BUB1B: variants seen among roughly 807,000 people sequenced by gnomAD.
BUB1B encodes the protein mitotic checkpoint serine/threonine-protein kinase BUB1 beta.
BUB1B carries 86 observed loss-of-function variants against 137.7 expected under a neutral mutation model. The observed-to-expected ratio is 0.62, with a 90% CI of 0.52 to 0.75. The LOEUF is 0.75. BUB1B is among the 30% of genes least tolerant of loss of function. BUB1B has a pLI of 0.00. For missense variants in BUB1B, 1,130 were observed against 1,236.9 expected (o/e 0.91, Z 1.30); for synonymous variants, 420 against 417.9 (o/e 1.00, Z -0.06).
chr15:40,174,043 A>C (rs2037196250), intron 4 of BUB1B: 3 of 387,062 alleles, frequency 7.8e-6, no homozygotes, highest in South Asian at 4.0e-5. Flanking sequence ...TAACTTTTAG[A>C]TCTATTAATC....
intron 20 of BUB1B, among the ~76,000 whole-genome samples, chr15:40,216,846 A>T (rs1191533894): frequency 6.6e-6 from 1 of 151,972 alleles, no homozygotes; most frequent in African/African-American, 2.4e-5. Context: ...CCCCTTGGAG[A>T]ATAGCATTAT....
chr15:40,176,690 GCTTGT>G lies in BUB1B; in HGVS notation c.581+21_581+25del. The G allele has an allele frequency of 1.9e-6, 3 of 1,611,982 alleles. No homozygotes were observed. The highest frequency in any genetic ancestry group is 1.3e-5 in the African/African-American group (1 of 74,974). ...CCAGCACCGGTAAACTTTCTTTGGAGCTTGTCTTAACTCTAAAAATAATAGAAATA... is the reference window on the plus strand; with the variant it reads ...CCAGCACCGGTAAACTTTCTTTGGAGCTTAACTCTAAAAATAATAGAAATA... On this transcript the variant is annotated intron_variant, in intron 5 of 22. Coordinates refer to ENST00000287598, the MANE Select transcript of BUB1B (RefSeq NM_001211.6).
chr15:40,172,113 A>G (rs1279355555), intron 4 of BUB1B, among the ~76,000 whole-genome samples: 1 of 151,900 alleles, frequency 6.6e-6, no homozygotes, highest in Non-Finnish European at 1.5e-5. Context: ...TAAATTTCTT[A>G]CTAAAATAAA....
intron 5 of BUB1B, among the ~76,000 whole-genome samples, chr15:40,180,251 C>CTTTTTTTTTT (rs34300396): frequency 1.3e-3 from 119 of 90,492 alleles, no homozygotes; most frequent in African/African-American, 4.9e-3. Flanking sequence ...CGTTTCGTTT[C>CTTTTTTTTTT]TTTTTTTTTT....
At chr15:40,169,267 C>G (rs2037134288) in intron 2 of BUB1B, among the ~76,000 whole-genome samples, 1 of 152,052 alleles carries the variant, frequency 6.6e-6, no homozygotes, top group Non-Finnish European at 1.5e-5. Context: ...ACCAATGTTA[C>G]CCATGGAAGT....
In BUB1B at chr15:40,196,586, G is replaced by A. The variant is rs1365938809; in HGVS notation, c.1100G>A (p.Ser367Asn). The stretch of plus-strand genomic sequence containing the variant: ...GAACCTAGTATAAACCACATCCTAA[G>A]CACCAGAAAGCCTGGAAAGGAAGAA... ...KIEPSINHIL[S>N]TRKPGKEEGD... Residue 367 changes from serine (S) to asparagine (N), a missense_variant, in exon 9 of 23, where the codon AGC (serine) becomes AAC (asparagine). Physicochemically the swap from Ser to Asn is conservative, Grantham distance 46. Transcript: ENST00000287598. 6.2e-7 allele frequency: 1 copy of A among 1,613,856 alleles called. No homozygotes were observed. Among genetic ancestry groups the A allele is most frequent in the Non-Finnish European group, 8.5e-7 (1 of 1,179,878 alleles).
intron 8 of BUB1B, among the ~76,000 whole-genome samples, chr15:40,188,964 A>AC (rs1270649378): frequency 6.6e-6 from 1 of 151,862 alleles, no homozygotes; most frequent in Non-Finnish European, 1.5e-5. Flanking sequence ...GAGTTGTGCA[A>AC]CCCTTACCAC....
chr15:40,174,039 T>C (rs920716609), intron 4 of BUB1B: 3 of 391,782 alleles, frequency 7.7e-6, no homozygotes, highest in African/African-American at 2.1e-5. Flanking sequence ...TATTTAACTT[T>C]TAGATCTATT....
intron 4 of BUB1B, among the ~76,000 whole-genome samples, chr15:40,171,595 T>TGGA (rs2037163687): frequency 6.6e-6 from 1 of 152,154 alleles, no homozygotes; most frequent in Admixed American, 6.5e-5. Context: ...TCAACTGTAC[T>TGGA]GGAGGAGGAG....
chr15:40,180,270 T>C (rs1400512678), intron 5 of BUB1B, among the ~76,000 whole-genome samples: 1 of 144,190 alleles, frequency 6.9e-6, no homozygotes, highest in African/African-American at 2.6e-5. Flanking sequence ...TTTTTTTTTT[T>C]TGAGATGGAG....
chr15:40,207,398 G>A (rs555643162), intron 15 of BUB1B, among the ~76,000 whole-genome samples: 2 of 152,072 alleles, frequency 1.3e-5, no homozygotes, highest in Non-Finnish European at 2.9e-5. Flanking sequence ...CAGGCCAGGA[G>A]TTGAAGACCA....
intron 22 of BUB1B, 79 bp downstream of exon 22, chr15:40,218,641 A>C: frequency 9.1e-7 from 1 of 1,102,690 alleles, no homozygotes; most frequent in Non-Finnish European, 1.4e-6. Flanking sequence ...CTGCTTTGGC[A>C]GCCTTAGTTT....
chr15:40,211,936 T>C (rs7162894), intron 18 of BUB1B, among the ~76,000 whole-genome samples: 100,033 of 152,082 alleles, frequency 0.66, 33,552 homozygotes, highest in Non-Finnish European at 0.71. Flanking sequence ...GATTCTCCTG[T>C]CTCAGCCTCC....
intron 5 of BUB1B, among the ~76,000 whole-genome samples, chr15:40,182,270 T>C (rs1461673975): frequency 2.6e-5 from 4 of 152,226 alleles, no homozygotes; most frequent in South Asian, 4.1e-4. Context: ...TGCATTTGCT[T>C]ATTGTTTTTT....
chr15:40,209,881 A>C, intron 17 of BUB1B, 106 bp downstream of exon 17: 1 of 1,460,152 alleles, frequency 6.8e-7, no homozygotes, highest in Non-Finnish European at 9.5e-7. Flanking sequence ...CCTAGATTGT[A>C]TTTTTTAAAA....
intron 8 of BUB1B, among the ~76,000 whole-genome samples, chr15:40,191,134 C>T (rs904007388): frequency 2.6e-5 from 4 of 152,200 alleles, no homozygotes; most frequent in Admixed American, 1.3e-4. Flanking sequence ...GTGATCCACC[C>T]GACTCAGCAT....
At chr15:40,163,891 C>T (rs952815767) in intron 1 of BUB1B, among the ~76,000 whole-genome samples, 8 of 152,278 alleles carry the variant, frequency 5.3e-5, no homozygotes, top group African/African-American at 1.4e-4. Context: ...TTTCAGTGCT[C>T]ATCTAGACTG....
intron 11 of BUB1B, among the ~76,000 whole-genome samples, chr15:40,200,696 C>T (rs1234086749): frequency 6.6e-6 from 1 of 152,126 alleles, no homozygotes; most frequent in African/African-American, 2.4e-5. Context: ...TGGCAGCTTA[C>T]CATTTTGTAA....
At chr15:40,174,433 A>G (rs2037200879) in intron 4 of BUB1B, among the ~76,000 whole-genome samples, 1 of 152,234 alleles carries the variant, frequency 6.6e-6, no homozygotes, top group Admixed American at 6.5e-5. Flanking sequence ...GACCATGATT[A>G]AGGGCTGGCA....
Sources: gnomAD v4.1 joint callset for allele counts (sites outside exome capture counted in the v4.1 genomes callset) on GRCh38, gnomAD v4.1.1 for gene constraint, MANE v1.5 for transcripts, NCBI Gene and HGNC (gene_info 2026-07-23, HGNC 2026-07-21) for gene names.